TENT5D: variants seen among roughly 807,000 people sequenced by gnomAD.
TENT5D encodes terminal nucleotidyltransferase 5D.
For missense variants in TENT5D, 191 were observed against 287.0 expected, an observed-to-expected ratio of 0.67 and a Z score of 2.42; for synonymous variants, 103 against 100.6, an observed-to-expected ratio of 1.02 and a Z score of -0.15.
At chrX:80,411,424 G>A (rs183817480) in intron 3 of TENT5D, among the ~76,000 whole-genome samples, 18 of 111,090 alleles carry the variant, frequency 1.6e-4, no homozygotes, top group East Asian at 1.4e-3. Flanking sequence ...CTAGACATTC[G>A]TCTTTCTTAA....
At chrX:80,347,024 T>C (rs776391687) in intron 3 of TENT5D, among the ~76,000 whole-genome samples, 2 of 111,973 alleles carry the variant, frequency 1.8e-5, no homozygotes, top group Non-Finnish European at 3.8e-5. Context: ...TTTTTATGGC[T>C]GCATAGTATT....
chrX:80,423,595 T>C (rs980300530), intron 1 of TENT5D, among the ~76,000 whole-genome samples: 7 of 110,537 alleles, frequency 6.3e-5, no homozygotes, highest in African/African-American at 2.0e-4. Flanking sequence ...GCCCAGGACC[T>C]AGTAGAAGCT....
chrX:80,345,056 T>A (rs1482030305), intron 3 of TENT5D, among the ~76,000 whole-genome samples: 1 of 111,658 alleles, frequency 9.0e-6, no homozygotes, highest in African/African-American at 3.3e-5. Flanking sequence ...TAAAATAATG[T>A]TTATTTATAA....
chrX:80,440,370 G>A (rs761966756), intron 2 of TENT5D, among the ~76,000 whole-genome samples: 1 of 110,586 alleles, frequency 9.0e-6, no homozygotes, highest in East Asian at 2.9e-4. Flanking sequence ...TCCCTTCTCT[G>A]ATATCTAGGA....
chrX:80,433,893 T>A (rs1298239416), intron 1 of TENT5D, among the ~76,000 whole-genome samples: 1 of 110,592 alleles, frequency 9.0e-6, no homozygotes, highest in Non-Finnish European at 1.9e-5. Context: ...CCAGCACTTT[T>A]GGAGGCCGAG....
chrX:80,344,485 T>C (rs1271936650), intron 3 of TENT5D, among the ~76,000 whole-genome samples: 1 of 110,798 alleles, frequency 9.0e-6, no homozygotes, highest in African/African-American at 3.3e-5. Context: ...TTTTTTTTAA[T>C]AATAGCCATA....
At chrX:80,386,066 T>A (rs1295563372) in intron 3 of TENT5D, among the ~76,000 whole-genome samples, 1 of 112,257 alleles carries the variant, frequency 8.9e-6, no homozygotes, top group Non-Finnish European at 1.9e-5. Flanking sequence ...AACCATCCCA[T>A]TACTGGGCAT....
intron 3 of TENT5D, among the ~76,000 whole-genome samples, chrX:80,352,568 C>T (rs1336377783): frequency 9.1e-6 from 1 of 110,016 alleles, no homozygotes; most frequent in Non-Finnish European, 1.9e-5. Context: ...ACAAGAATTT[C>T]AAGCCAGTGG....
chrX:80,381,036 G>A (rs1930855165), intron 3 of TENT5D, among the ~76,000 whole-genome samples: 1 of 111,786 alleles, frequency 8.9e-6, no homozygotes, highest in Non-Finnish European at 1.9e-5. Context: ...GTTAGTTGAT[G>A]CAGTTTCTTC....
At chrX:80,444,705 A>G (rs2147574663) in exon 3 of TENT5D, 1 of 122,916 alleles carries the variant, frequency 8.1e-6, no homozygotes, top group Non-Finnish European at 1.9e-5. Context: ...TTTTGCCTTT[A>G]CCAAAGATCA....
chrX:80,358,581 A>T (rs758577249), intron 3 of TENT5D, among the ~76,000 whole-genome samples: 145 of 111,995 alleles, frequency 1.3e-3, no homozygotes, highest in African/African-American at 4.4e-3. Flanking sequence ...TTTATTTTTT[A>T]TTTTTTTGGA....
intron 3 of TENT5D, among the ~76,000 whole-genome samples, chrX:80,366,760 T>G (rs1307136227): frequency 1.8e-5 from 2 of 111,563 alleles, no homozygotes; most frequent in African/African-American, 6.5e-5. Context: ...TTAAATAATT[T>G]ATTCATGATA....
intron 3 of TENT5D, among the ~76,000 whole-genome samples, chrX:80,380,781 C>T (rs927735588): frequency 9.0e-6 from 1 of 110,811 alleles, no homozygotes; most frequent in African/African-American, 3.3e-5. Context: ...GGATTGCAAC[C>T]CCTGCTTTTT....
rs148338325 is a variant in TENT5D, at chrX:80,426,637, C to G, written c.-142+6074C>G. Reference sequence around the variant, plus strand: ...CAGAGTTTTCATGGTAAGATTAATTCATACAGTTTTTCCACAGTTTGCTTA... The same window carrying G: ...CAGAGTTTTCATGGTAAGATTAATTGATACAGTTTTTCCACAGTTTGCTTA... On this transcript the variant is annotated intron_variant, in intron 1 of 2. Coordinates refer to ENST00000308293, the Ensembl canonical transcript of TENT5D. 1.7e-3 allele frequency among the ~76,000 whole-genome samples: 191 copies of G among 112,076 alleles called. 4 individuals carry two copies. The East Asian group carries it at 0.037, about 22-fold the overall frequency.
intron 1 of TENT5D, among the ~76,000 whole-genome samples, chrX:80,435,344 A>G (rs940897384): frequency 8.9e-6 from 1 of 112,287 alleles, no homozygotes; most frequent in East Asian, 2.8e-4. Flanking sequence ...CATCTAGATT[A>G]CAATTCCAAA....
intron 3 of TENT5D, among the ~76,000 whole-genome samples, chrX:80,362,438 C>T (rs11266573): frequency 0.079 from 8,911 of 112,102 alleles, 395 homozygotes; most frequent in Middle Eastern, 0.15. Flanking sequence ...GCTGGGATTA[C>T]AGGCATGAGC....
intron 3 of TENT5D, among the ~76,000 whole-genome samples, chrX:80,410,127 A>T (rs1433510771): frequency 9.5e-6 from 1 of 105,301 alleles, no homozygotes; most frequent in Non-Finnish European, 2.0e-5. Context: ...TTAGACCTAA[A>T]ACCATAAAAA....
intron 3 of TENT5D, among the ~76,000 whole-genome samples, chrX:80,413,702 GC>G (rs1391512159): frequency 8.9e-6 from 1 of 111,910 alleles, no homozygotes; most frequent in Non-Finnish European, 1.9e-5. Flanking sequence ...GGCCTCCTCA[GC>G]CATGTGGAAC....
chrX:80,403,661 G>A (rs1275514677), intron 3 of TENT5D, among the ~76,000 whole-genome samples: 2 of 112,251 alleles, frequency 1.8e-5, no homozygotes, highest in Admixed American at 1.9e-4. Flanking sequence ...GGTATCCCTA[G>A]CTTCTATCCA....
Sources: allele counts gnomAD v4.1 joint callset (sites outside exome capture counted in the v4.1 genomes callset), GRCh38; gene constraint gnomAD v4.1.1; transcripts MANE v1.5; gene names NCBI Gene and HGNC (gene_info 2026-07-23, HGNC 2026-07-21).